The following ARID2 variants were observed in gnomAD, a reference collection of about 807,000 sequenced individuals.
ARID2 encodes the protein AT-rich interaction domain 2, also known as AT-rich interactive domain-containing protein 2.
ARID2 carries 32 observed loss-of-function variants against 184.6 expected under a neutral mutation model. The observed-to-expected ratio is 0.17, with a 90% CI of 0.13 to 0.23. The LOEUF (loss-of-function observed/expected upper bound fraction) is 0.23, where lower values mean the gene tolerates loss of function less well. Among genes scored for constraint, ARID2 ranks in the 10% least tolerant of loss-of-function variants. The probability of loss-of-function intolerance (pLI) is 1.00; values close to 1 mark genes in which losing one functional copy is unlikely to be tolerated. For synonymous variants in ARID2, 836 were observed against 772.6 expected, an observed-to-expected ratio of 1.08 and a Z score of -1.36; for missense variants, 1,696 against 2,197.6, an observed-to-expected ratio of 0.77 and a Z score of 4.56.
chr12:45,773,118 A>C (rs1592067293), intron 3 of ARID2, among the ~76,000 whole-genome samples: 1 of 152,278 alleles, frequency 6.6e-6, no homozygotes, highest in Middle Eastern at 3.4e-3. Flanking sequence ...GAAACTTAAA[A>C]ATATGTAGAA....
At chr12:45,775,212 T>C (rs548847699) in intron 3 of ARID2, among the ~76,000 whole-genome samples, 9 of 152,220 alleles carry the variant, frequency 5.9e-5, no homozygotes, top group Non-Finnish European at 1.3e-4. Context: ...GCTAGTACTT[T>C]AGGACGTAAG....
At chr12:45,878,366 C>T (rs1944045435) in intron 16 of ARID2, among the ~76,000 whole-genome samples, 1 of 152,096 alleles carries the variant, frequency 6.6e-6, no homozygotes, top group Non-Finnish European at 1.5e-5. Flanking sequence ...CATATATTTG[C>T]AGCTTTTGTT....
chr12:45,780,241 GA>G (rs1942063142), intron 3 of ARID2, among the ~76,000 whole-genome samples: 1 of 152,212 alleles, frequency 6.6e-6, no homozygotes, highest in African/African-American at 2.4e-5. Context: ...AGTTAGGGAT[GA>G]GGGGGTAGAA....
chr12:45,905,955 T>C lies in ARID2; in HGVS notation c.*877T>C. On this transcript the variant is annotated 3_prime_UTR_variant, in exon 21 of 21. Coordinates refer to ENST00000334344, the MANE Select transcript of ARID2 (RefSeq NM_152641.4). Reference sequence around the variant, plus strand: ...TTTCTTTTTTCTTTTTTTTTTTCTTTTTTTTTTTGTATTATACACCTTGTA... The same window carrying C: ...TTTCTTTTTTCTTTTTTTTTTTCTTCTTTTTTTTGTATTATACACCTTGTA... 8.6e-6 allele frequency: 2 copies of C among 231,614 alleles called. No homozygotes were observed. Among genetic ancestry groups the C allele is most frequent in the Non-Finnish European group, 1.7e-5 (2 of 117,400 alleles). 14.3% of individuals were successfully genotyped at this position (231,614 alleles called of 1,614,324 possible).
intron 3 of ARID2, among the ~76,000 whole-genome samples, chr12:45,769,089 A>G (rs550032944): frequency 6.6e-6 from 1 of 152,328 alleles, no homozygotes; most frequent in Admixed American, 6.5e-5. Context: ...GGGGCAATCA[A>G]TATCCAGAGT....
chr12:45,887,249 A>AT (rs1555160103), intron 16 of ARID2, among the ~76,000 whole-genome samples: 3 of 152,094 alleles, frequency 2.0e-5, no homozygotes, highest in Admixed American at 6.6e-5. Context: ...GTAACTGAAA[A>AT]ATATATATAT....
At chr12:45,791,729 G>A (rs1287700545) in intron 3 of ARID2, among the ~76,000 whole-genome samples, 1 of 152,058 alleles carries the variant, frequency 6.6e-6, no homozygotes, top group East Asian at 1.9e-4. Context: ...CAAGTAGGTG[G>A]GACTCACAGG....
chr12:45,763,653 T>A (rs10880856), intron 3 of ARID2, among the ~76,000 whole-genome samples: 61,637 of 150,460 alleles, frequency 0.41, 14,397 homozygotes, highest in African/African-American at 0.66. Context: ...AAAAAAAAAA[T>A]TTTTTTTAAA....
At chr12:45,885,210 T>C (rs1489737308) in intron 16 of ARID2, among the ~76,000 whole-genome samples, 1 of 152,040 alleles carries the variant, frequency 6.6e-6, no homozygotes, top group African/African-American at 2.4e-5. Flanking sequence ...ATGCTTGCCC[T>C]TGATATTTCT....
chr12:45,791,888 T>G (rs1942299144), intron 3 of ARID2, among the ~76,000 whole-genome samples: 1 of 152,240 alleles, frequency 6.6e-6, no homozygotes, highest in Non-Finnish European at 1.5e-5. Context: ...ATAGCACTAG[T>G]CAAATATTAT....
At chr12:45,795,637 T>C (rs556128824) in intron 3 of ARID2, among the ~76,000 whole-genome samples, 2 of 152,082 alleles carry the variant, frequency 1.3e-5, no homozygotes, top group Admixed American at 6.5e-5. Flanking sequence ...GGGGTTTCAC[T>C]GTGTTAGCCA....
intron 6 of ARID2, among the ~76,000 whole-genome samples, chr12:45,828,341 A>G (rs571466784): frequency 6.6e-6 from 1 of 152,268 alleles, no homozygotes; most frequent in Admixed American, 6.5e-5. Context: ...CATTGCATGA[A>G]TATGCAGCAA....
intron 3 of ARID2, among the ~76,000 whole-genome samples, chr12:45,749,298 G>T (rs1039905897): frequency 6.6e-6 from 1 of 152,160 alleles, no homozygotes; most frequent in African/African-American, 2.4e-5. Context: ...GTAATATTTT[G>T]AAAGTGATCT....
At chr12:45,752,554 C>A (rs1441607332) in intron 3 of ARID2, among the ~76,000 whole-genome samples, 1 of 152,212 alleles carries the variant, frequency 6.6e-6, no homozygotes, top group Non-Finnish European at 1.5e-5. Flanking sequence ...CAGGGTCTGG[C>A]TCTGTTGCCC....
chr12:45,844,262 AC>A (rs1224810558), intron 11 of ARID2, among the ~76,000 whole-genome samples: 1 of 151,958 alleles, frequency 6.6e-6, no homozygotes, highest in East Asian at 1.9e-4. Context: ...CAAGCAATTC[AC>A]CCACTTCGGC....
chr12:45,891,991 G>C lies in ARID2; in HGVS notation c.5062-20G>C, dbSNP rs1944307561. The C allele has an allele frequency of 6.2e-7, 1 of 1,613,868 alleles. No individual in the cohort carries two copies. Among genetic ancestry groups the C allele is most frequent in the Non-Finnish European group, 8.5e-7 (1 of 1,179,976 alleles). On this transcript the variant is annotated intron_variant, in intron 17 of 20. Coordinates refer to ENST00000334344, the MANE Select transcript of ARID2 (RefSeq NM_152641.4). Reference sequence around the variant, plus strand: ...AAAGATTTTGACGTGCCATTCTCTTGCTTCCTCTTCCTCAAAAAGGATAAG... The same window carrying C: ...AAAGATTTTGACGTGCCATTCTCTTCCTTCCTCTTCCTCAAAAAGGATAAG...
Position 45,849,595 on chromosome 12 carries a change from T to C in ARID2, c.1731T>C (p.Asn577=), listed in dbSNP as rs2138156465. The C allele has an allele frequency of 6.2e-7, 1 of 1,611,776 alleles. No homozygotes were observed. The highest frequency in any genetic ancestry group is 2.2e-5 in the East Asian group (1 of 44,836). ...FYKCLRTVFP[N]HTVKRVEDSS... ...TACTTTACAGAACGGTCTTTCCAAA[T>C]CATACAGTGAAGAGAGTGGAGGATT... The change falls in exon 14 of 21, where the codon AAT becomes AAC. Residue 577 remains asparagine (N), a synonymous_variant. Transcript: ENST00000334344.
chr12:45,844,601 TTCTC>T (rs1428574742), intron 11 of ARID2, among the ~76,000 whole-genome samples: 5 of 152,358 alleles, frequency 3.3e-5, no homozygotes, highest in African/African-American at 9.6e-5. Context: ...ATGTTTCTAA[TTCTC>T]TCTTTAGTGT....
intron 15 of ARID2, 132 bp downstream of exon 15, chr12:45,853,028 CCTTTT>C (rs1943585959): frequency 1.5e-6 from 2 of 1,302,986 alleles, no homozygotes; most frequent in Non-Finnish European, 2.0e-6. Context: ...TCCAACCTGT[CCTTTT>C]CTTTTTCTCT....
Sources: gnomAD v4.1 joint callset for allele counts (sites outside exome capture counted in the v4.1 genomes callset) on GRCh38, gnomAD v4.1.1 for gene constraint, MANE v1.5 for transcripts, NCBI Gene and HGNC (gene_info 2026-07-23, HGNC 2026-07-21) for gene names.